COL4A1: variants seen among roughly 807,000 people sequenced by gnomAD.
COL4A1 encodes the protein collagen type IV alpha 1 chain.
In COL4A1, 40 loss-of-function variants were observed where a neutral mutation model predicts 216.6. The observed-to-expected ratio is 0.18, with a 90% confidence interval of 0.14 to 0.24. The LOEUF is 0.24. Among genes scored for constraint, COL4A1 ranks in the 10% least tolerant of loss-of-function variants. COL4A1 has a pLI of 1.00. For synonymous variants in COL4A1, 839 were observed against 810.7 expected (o/e 1.03, Z -0.59); for missense variants, 1,628 against 2,196.8 (o/e 0.74, Z 5.18).
In COL4A1 at chr13:110,242,751, A is replaced by G. The variant is rs1881621946; in HGVS notation, c.85-17T>C. On this transcript the variant is annotated splice_polypyrimidine_tract_variant and intron_variant, in intron 1 of 51. Transcript: ENST00000375820. Reference sequence around the variant, plus strand: ...ACAGCCACCCTGGAAGGAAAAGAAAACTTCTTTAAATAGAAGAACACTTTC... The same window carrying G: ...ACAGCCACCCTGGAAGGAAAAGAAAGCTTCTTTAAATAGAAGAACACTTTC... 2.5e-6 allele frequency: 4 copies of G among 1,613,922 alleles called. No individual in the cohort carries two copies. Among genetic ancestry groups the G allele is most frequent in the East Asian group, 4.5e-5 (2 of 44,888 alleles).
At chr13:110,159,886 A>G (rs1171263831) in intron 49 of COL4A1, among the ~76,000 whole-genome samples, 1 of 151,824 alleles carries the variant, frequency 6.6e-6, no homozygotes, top group Admixed American at 6.6e-5. Context: ...CACTTACATG[A>G]GGTGTCTACG....
At chr13:110,299,214 C>T (rs1274983760) in intron 1 of COL4A1, among the ~76,000 whole-genome samples, 2 of 152,238 alleles carry the variant, frequency 1.3e-5, no homozygotes, top group Non-Finnish European at 2.9e-5. Context: ...GCTGCTCAAG[C>T]GGCGGCCTCA....
At chr13:110,301,695 CT>C (rs1884499278) in intron 1 of COL4A1, among the ~76,000 whole-genome samples, 1 of 152,196 alleles carries the variant, frequency 6.6e-6, no homozygotes, top group Admixed American at 6.5e-5. Context: ...GGAATGCGTG[CT>C]AGCCGAGGGA....
At chr13:110,168,249 A>G (rs1877434282) in intron 43 of COL4A1, among the ~76,000 whole-genome samples, 1 of 152,202 alleles carries the variant, frequency 6.6e-6, no homozygotes, top group East Asian at 1.9e-4. Flanking sequence ...TCCCCACCTC[A>G]GGTGATCTGC....
At chr13:110,199,189 G>A (rs777225734) in intron 20 of COL4A1, among the ~76,000 whole-genome samples, 10 of 152,234 alleles carry the variant, frequency 6.6e-5, no homozygotes, top group East Asian at 1.9e-4. Context: ...AGCTGAGGCC[G>A]GACGCAGGGC....
intron 1 of COL4A1, among the ~76,000 whole-genome samples, chr13:110,247,829 GT>G (rs1452175227): frequency 3.8e-5 from 5 of 130,682 alleles, no homozygotes; most frequent in African/African-American, 1.2e-4. Context: ...GTGTGTGTGT[GT>G]GTGTGGCAGA....
At chr13:110,183,641 C>G (rs990811852) in intron 26 of COL4A1, among the ~76,000 whole-genome samples, 1 of 152,210 alleles carries the variant, frequency 6.6e-6, no homozygotes, top group Non-Finnish European at 1.5e-5. Context: ...AATACTTTTG[C>G]TGTTCTCTCT....
chr13:110,182,921 T>C (rs1179194994), intron 28 of COL4A1, 72 bp downstream of exon 28: 2 of 1,411,680 alleles, frequency 1.4e-6, no homozygotes, highest in East Asian at 2.4e-5. Flanking sequence ...GGTGTTTTGA[T>C]GTCTACCACC....
intron 1 of COL4A1, among the ~76,000 whole-genome samples, chr13:110,300,688 G>C (rs953944421): frequency 2.0e-5 from 3 of 152,192 alleles, no homozygotes; most frequent in African/African-American, 7.2e-5. Flanking sequence ...CAGTATCTCT[G>C]GCTGTGGTCC....
At chr13:110,179,095 G>A in intron 30 of COL4A1, 59 bp from the exon 31 acceptor site, 2 of 1,559,528 alleles carry the variant, frequency 1.3e-6, no homozygotes, top group Non-Finnish European at 1.8e-6. Flanking sequence ...TCCCGGCCTA[G>A]GAGACCCATG....
At chr13:110,227,417 C>CACACAA (rs1880787498) in intron 2 of COL4A1, among the ~76,000 whole-genome samples, 1 of 149,314 alleles carries the variant, frequency 6.7e-6, no homozygotes, top group Non-Finnish European at 1.5e-5. Flanking sequence ...CACACACACA[C>CACACAA]ACACACACAA....
Position 110,206,713 on chromosome 13 carries a change from C to G in COL4A1, c.810G>C (p.Gly270=). 1.2e-6 allele frequency: 2 copies of G among 1,614,114 alleles called. No homozygotes were observed. Among genetic ancestry groups the G allele is most frequent in the Non-Finnish European group, 1.7e-6 (2 of 1,179,992 alleles). ...KGQKGEPGFQ[G]MPGVGEKGEP... The stretch of plus-strand genomic sequence containing the variant: ...CACCTTTCTCTCCGACCCCTGGCAT[C>G]CCCTTAAAGGAATAAAAAGACAAAG... Residue 270 remains glycine, a splice_region_variant and synonymous_variant, in exon 15 of 52, where the codon GGG becomes GGC. Coordinates refer to ENST00000375820, the MANE Select transcript of COL4A1 (RefSeq NM_001845.6).
intron 30 of COL4A1, 57 bp downstream of exon 30, chr13:110,179,214 G>A: frequency 6.2e-7 from 1 of 1,605,418 alleles, no homozygotes; most frequent in South Asian, 1.1e-5. Context: ...CTCTGGGAAT[G>A]CAAAAATAAG....
chr13:110,165,065 C>A, intron 45 of COL4A1, 75 bp from the exon 46 acceptor site: 1 of 1,561,066 alleles, frequency 6.4e-7, no homozygotes, highest in Non-Finnish European at 8.7e-7. Flanking sequence ...GAAGGAGAAT[C>A]CCGGGTGAAG....
chr13:110,170,107 G>GGAAAGAAGGA (rs1566346514), intron 42 of COL4A1, among the ~76,000 whole-genome samples: 3 of 73,470 alleles, frequency 4.1e-5, no homozygotes, highest in African/African-American at 2.6e-4. Context: ...GAGAGGAAGG[G>GGAAAGAAGGA]AGGAAAGAAG....
intron 1 of COL4A1, among the ~76,000 whole-genome samples, chr13:110,290,586 C>A (rs1294020200): frequency 6.6e-6 from 1 of 152,140 alleles, no homozygotes; most frequent in African/African-American, 2.4e-5. Flanking sequence ...CCCAGGTGAC[C>A]AAAATCTCTG....
chr13:110,163,984 CTTTTTTTTT>C (rs58236306), intron 46 of COL4A1, among the ~76,000 whole-genome samples: 17 of 110,246 alleles, frequency 1.5e-4, no homozygotes, highest in Admixed American at 3.4e-4. Context: ...TTCTCTCTCT[CTTTTTTTTT>C]TTTTTTTTTT....
At chr13:110,208,705 G>T in intron 12 of COL4A1, 144 bp downstream of exon 12, 1 of 839,872 alleles carries the variant, frequency 1.2e-6, no homozygotes, top group Non-Finnish European at 2.1e-6. Flanking sequence ...GCATTTTAAG[G>T]AAAACACTAA....
intron 21 of COL4A1, among the ~76,000 whole-genome samples, chr13:110,196,940 G>A (rs1487983714): frequency 6.6e-6 from 1 of 152,030 alleles, no homozygotes; most frequent in Admixed American, 6.6e-5. Context: ...TCGATACTCT[G>A]TGATTGAGAA....
Sources: allele counts gnomAD v4.1 joint callset (sites outside exome capture counted in the v4.1 genomes callset), GRCh38; gene constraint gnomAD v4.1.1; transcripts MANE v1.5; gene names NCBI Gene and HGNC (gene_info 2026-07-23, HGNC 2026-07-21).